Variants in GALNTL6 observed in about 807,000 individuals in gnomAD.
GALNTL6 encodes polypeptide N-acetylgalactosaminyltransferase-like 6.
In GALNTL6, 46 loss-of-function variants were observed where a neutral mutation model predicts 73.7. The ratio of observed to expected loss-of-function variants is 0.62; its 90% CI spans 0.49 to 0.80. The LOEUF is 0.80. GALNTL6 is among the 30% of genes least tolerant of loss of function. GALNTL6 has a pLI of 0.00. For synonymous variants in GALNTL6, 259 were observed against 263.7 expected (o/e 0.98, Z 0.17); for missense variants, 604 against 755.0 (o/e 0.80, Z 2.34).
At chr4:172,214,380 T>C (rs1475479924) in intron 2 of GALNTL6, among the ~76,000 whole-genome samples, 1 of 152,168 alleles carries the variant, frequency 6.6e-6, no homozygotes, top group Non-Finnish European at 1.5e-5. Context: ...TATTTTTTTT[T>C]CTTGGATAGG....
chr4:172,570,946 T>G (rs1043754638), intron 5 of GALNTL6, among the ~76,000 whole-genome samples: 38 of 152,074 alleles, frequency 2.5e-4, no homozygotes, highest in Non-Finnish European at 1.0e-4. Flanking sequence ...ACAGTAGGGT[T>G]TGTGCTCGTA....
chr4:172,425,254 G>A (rs961707271), intron 5 of GALNTL6: 2 of 152,038 alleles, frequency 1.3e-5, no homozygotes, highest in Non-Finnish European at 2.9e-5. Context: ...GGTATGCAAT[G>A]AATATGATAT....
At chr4:172,195,118 G>A (rs1735716828) in intron 2 of GALNTL6, among the ~76,000 whole-genome samples, 1 of 151,734 alleles carries the variant, frequency 6.6e-6, no homozygotes, top group Admixed American at 6.6e-5. Context: ...CCAAGCAAAT[G>A]GAAAGCCAAA....
At chr4:173,024,547 A>G (rs1334311042) in intron 12 of GALNTL6, among the ~76,000 whole-genome samples, 3 of 152,182 alleles carry the variant, frequency 2.0e-5, no homozygotes, top group East Asian at 3.9e-4. Context: ...ATTTGGATGC[A>G]GTACTTGGCT....
intron 5 of GALNTL6, among the ~76,000 whole-genome samples, chr4:172,583,784 C>A (rs895749640): frequency 2.7e-5 from 4 of 150,900 alleles, no homozygotes; most frequent in African/African-American, 9.8e-5. Flanking sequence ...GTAATCCCAG[C>A]TACTCAGGAG....
chr4:171,926,229 A>G lies in GALNTL6; in HGVS notation c.138+111511A>G, dbSNP rs77679198. 4.7e-3 allele frequency among the ~76,000 whole-genome samples: 723 copies of G among 152,260 alleles called. 13 individuals are homozygous for G. Among genetic ancestry groups the G allele is most frequent in the African/African-American group, 0.016 (686 of 41,576 alleles). ...ATCAAACATACTTATTTCATCAGTT[A>G]TCTATATTGCCATTTCAATTTTCAA... On this transcript the variant is annotated intron_variant, in intron 2 of 12. Coordinates refer to ENST00000506823, the MANE Select transcript of GALNTL6 (RefSeq NM_001034845.3).
At chr4:172,320,000 T>C (rs921197528) in intron 4 of GALNTL6, among the ~76,000 whole-genome samples, 1 of 152,080 alleles carries the variant, frequency 6.6e-6, no homozygotes, top group African/African-American at 2.4e-5. Context: ...CACAGGGCTT[T>C]CTATTGGCCT....
At chr4:172,176,233 A>G (rs554553970) in intron 2 of GALNTL6, among the ~76,000 whole-genome samples, 2 of 150,310 alleles carry the variant, frequency 1.3e-5, no homozygotes, top group Admixed American at 6.6e-5. Context: ...CCAGCTACTC[A>G]AAAGGCTGAG....
chr4:172,103,032 G>C (rs912993507), intron 2 of GALNTL6, among the ~76,000 whole-genome samples: 15 of 152,294 alleles, frequency 9.8e-5, no homozygotes, highest in African/African-American at 3.6e-4. Flanking sequence ...GGAGACCTAG[G>C]AATAAAGGTT....
At chr4:172,092,226 G>A (rs1369673728) in intron 2 of GALNTL6, among the ~76,000 whole-genome samples, 1 of 151,994 alleles carries the variant, frequency 6.6e-6, no homozygotes, top group African/African-American at 2.4e-5. Flanking sequence ...ATCAAATTTG[G>A]TTATTTTAGG....
At chr4:172,173,292 G>T (rs1239812712) in intron 2 of GALNTL6, among the ~76,000 whole-genome samples, 1 of 152,208 alleles carries the variant, frequency 6.6e-6, no homozygotes, top group Non-Finnish European at 1.5e-5. Context: ...TTAAATGACG[G>T]CATATATCCA....
chr4:172,281,300 C>T (rs1400423999), intron 3 of GALNTL6, among the ~76,000 whole-genome samples: 1 of 152,212 alleles, frequency 6.6e-6, no homozygotes, highest in African/African-American at 2.4e-5. Flanking sequence ...TTCCTAGCTC[C>T]TAGAGACTGC....
Position 172,499,840 on chromosome 4 carries a change from A to G in GALNTL6, c.553+151151A>G, listed in dbSNP as rs538661085. 2.0e-5 allele frequency among the ~76,000 whole-genome samples: 3 copies of G among 152,340 alleles called. No individual in the cohort carries two copies. In the South Asian group the frequency reaches 6.2e-4, roughly 32 times the overall value. On this transcript the variant is annotated intron_variant, in intron 5 of 12. Coordinates refer to ENST00000506823, the MANE Select transcript of GALNTL6 (RefSeq NM_001034845.3). ...GGATAGAATCAGTGAACTTGAGGAT[A>G]GGTCACTCTATCTGAAAAACAGAGA...
intron 2 of GALNTL6, among the ~76,000 whole-genome samples, chr4:172,048,753 T>TTATTG (rs1381206657): frequency 6.6e-6 from 1 of 152,136 alleles, no homozygotes; most frequent in Non-Finnish European, 1.5e-5. Flanking sequence ...TTATTTTATT[T>TTATTG]TATTTTGTCA....
intron 2 of GALNTL6, among the ~76,000 whole-genome samples, chr4:172,066,408 G>A (rs948713839): frequency 6.6e-6 from 1 of 152,060 alleles, no homozygotes; most frequent in African/African-American, 2.4e-5. Flanking sequence ...TTTCCGCCAT[G>A]TCTTTTCATG....
chr4:173,020,934 G>A lies in GALNTL6; in HGVS notation c.1489-542G>A, dbSNP rs571358427. The stretch of plus-strand genomic sequence containing the variant: ...CTAAAAATACAAAAATTAGCCAGGC[G>A]TGGTGGCGTGCGCCTGTAATCCCAG... On this transcript the variant is annotated intron_variant, in intron 11 of 12. Transcript: ENST00000506823. Among the ~76,000 whole-genome samples the A allele has an allele frequency of 8.5e-5, 13 of 152,216 alleles. No homozygotes were observed. The East Asian group carries it at 1.4e-3, about 16-fold the overall frequency.
intron 5 of GALNTL6, among the ~76,000 whole-genome samples, chr4:172,480,823 C>CT (rs1349491067): frequency 6.6e-6 from 1 of 152,156 alleles, no homozygotes; most frequent in African/African-American, 2.4e-5. Flanking sequence ...TCAAGTTGGC[C>CT]TTGGCATAAT....
intron 2 of GALNTL6, among the ~76,000 whole-genome samples, chr4:171,921,165 T>G (rs1737775369): frequency 6.6e-6 from 1 of 152,104 alleles, no homozygotes; most frequent in Admixed American, 6.6e-5. Context: ...CAACAATTTG[T>G]AATTAATAAA....
At chr4:171,977,057 C>T (rs964851165) in intron 2 of GALNTL6, among the ~76,000 whole-genome samples, 1 of 152,122 alleles carries the variant, frequency 6.6e-6, no homozygotes, top group Non-Finnish European at 1.5e-5. Context: ...GCTGCATTTC[C>T]TTTTACTGAT....
Sources: gnomAD v4.1 joint callset for allele counts (sites outside exome capture counted in the v4.1 genomes callset) on GRCh38, gnomAD v4.1.1 for gene constraint, MANE v1.5 for transcripts, NCBI Gene and HGNC (gene_info 2026-07-23, HGNC 2026-07-21) for gene names.